ZFP69: variants seen among roughly 807,000 people sequenced by gnomAD.
ZFP69 encodes the protein ZFP69 zinc finger protein.
ZFP69 carries 35 observed loss-of-function variants against 48.9 expected under a neutral mutation model. The observed-to-expected ratio is 0.72, with a 90% CI of 0.55 to 0.95. The LOEUF is 0.95. Among genes scored for constraint, ZFP69 ranks in the 40% least tolerant of loss-of-function variants. ZFP69 has a pLI of 0.00. For synonymous variants in ZFP69, 193 were observed against 216.8 expected, an observed-to-expected ratio of 0.89 and a Z score of 0.96; for missense variants, 557 against 638.4, an observed-to-expected ratio of 0.87 and a Z score of 1.37.
At chr1:40,481,701 G>A (rs1217885813) in intron 2 of ZFP69, 62 bp from the exon 3 acceptor site, 7 of 1,377,646 alleles carry the variant, frequency 5.1e-6, no homozygotes, top group Non-Finnish European at 7.0e-6. Flanking sequence ...GGGTCTGCAG[G>A]CAATTTCTTT....
rs1396023756 is a variant in ZFP69 at position 40,495,812 on chromosome 1, GA to G, written c.1338del (p.Ala447ProfsTer18). 1 of 1,614,190 alleles carries G rather than the reference GA, an allele frequency of 6.2e-7. No individual in the cohort carries two copies. Among genetic ancestry groups the G allele is most frequent in the Non-Finnish European group, 8.5e-7 (1 of 1,180,038 alleles). The stretch of plus-strand genomic sequence containing the variant: ...AGACCCTACAAATGTAAAGAATGTG[GA>G]AAAGCCTTTAGGCAGAGGATACACC... ...GERPYKCKECGKAFRQRIHLS... is the reference protein window; with the variant it reads ...GERPYKCKECXKAFRQRIHLS... On this transcript the variant is annotated frameshift_variant, in exon 6 of 6. Transcript: ENST00000372706. LOFTEE classifies it high-confidence loss of function.
chr1:40,483,433 T>A (rs1645463003), intron 3 of ZFP69, among the ~76,000 whole-genome samples: 1 of 151,996 alleles, frequency 6.6e-6, no homozygotes, highest in South Asian at 2.1e-4. Flanking sequence ...TCTTACTATG[T>A]TGTCCAACTG....
In ZFP69 at chr1:40,496,105, A is replaced by AT; in HGVS notation, c.*49dup. The AT allele has an allele frequency of 6.6e-7, 1 of 1,512,992 alleles. No individual in the cohort carries two copies. Among genetic ancestry groups the AT allele is most frequent in the Non-Finnish European group, 8.8e-7 (1 of 1,133,406 alleles). 93.7% of individuals were successfully genotyped at this position (1,512,992 alleles called of 1,614,324 possible). On this transcript the variant is annotated 3_prime_UTR_variant, in exon 6 of 6. Transcript: ENST00000372706. ...AACAAAAGCCAAGTGTAAATTGGTG[A>AT]TTTAGAGTGCTTTAAAATTTCAGGA...
intron 3 of ZFP69, among the ~76,000 whole-genome samples, chr1:40,485,240 T>C (rs1645484053): frequency 6.6e-6 from 1 of 152,042 alleles, no homozygotes; most frequent in Non-Finnish European, 1.5e-5. Flanking sequence ...AAAACAATCA[T>C]ATTATATGTG....
At chr1:40,483,393 C>A (rs1024825790) in intron 3 of ZFP69, among the ~76,000 whole-genome samples, 17 of 151,574 alleles carry the variant, frequency 1.1e-4, no homozygotes, top group African/African-American at 3.9e-4. Flanking sequence ...CCATACTTTG[C>A]CAATTAAAAA....
In ZFP69 at chr1:40,496,209, T is replaced by G; in HGVS notation, c.*150T>G. The G allele has an allele frequency of 1.4e-6, 1 of 734,442 alleles. No homozygotes were observed. Among genetic ancestry groups the G allele is most frequent in the Non-Finnish European group, 2.1e-6 (1 of 471,740 alleles). The allele number at this position is 734,442 out of a possible 1,614,324, so 45.5% of individuals were successfully genotyped here. On this transcript the variant is annotated 3_prime_UTR_variant, in exon 6 of 6. Coordinates refer to ENST00000372706, the MANE Select transcript of ZFP69 (RefSeq NM_001320179.2). ...AAATAAACATTACATTGACAGGTAT[T>G]GACTACTAACACCTCTAAAAAGTAC...
chr1:40,481,664 C>CT, intron 2 of ZFP69, 99 bp from the exon 3 acceptor site: 1 of 913,702 alleles, frequency 1.1e-6, no homozygotes, highest in Non-Finnish European at 1.6e-6. Context: ...CTTTGTGAAC[C>CT]TTTTTGGGGG....
chr1:40,484,093 A>G (rs1224534494), intron 3 of ZFP69, among the ~76,000 whole-genome samples: 2 of 152,142 alleles, frequency 1.3e-5, no homozygotes, highest in African/African-American at 4.8e-5. Context: ...ATAAATAAAT[A>G]AAATAAATAA....
intron 3 of ZFP69, among the ~76,000 whole-genome samples, chr1:40,484,614 T>C (rs530086895): frequency 2.4e-3 from 357 of 151,882 alleles, no homozygotes; most frequent in African/African-American, 7.9e-3. Context: ...AGAGTCTTGC[T>C]CTGTTGCCCA....
At chr1:40,484,489 G>A (rs899338901) in intron 3 of ZFP69, among the ~76,000 whole-genome samples, 3 of 151,976 alleles carry the variant, frequency 2.0e-5, no homozygotes, top group African/African-American at 4.8e-5. Flanking sequence ...GTGAGCCACC[G>A]TGCCCAGCCT....
chr1:40,495,735 C>G lies in ZFP69; in HGVS notation c.1257C>G (p.Thr419=), dbSNP rs1645626093. The change falls in exon 6 of 6, where the codon ACC becomes ACG. Residue 419 remains threonine (T), a synonymous_variant. Transcript: ENST00000372706. The part of the protein sequence containing the change: ...KPYACTACCK[T]FSHRAYLTHH... The stretch of plus-strand genomic sequence containing the variant: ...ATGCATGCACTGCATGTTGTAAAAC[C>G]TTTAGTCATAGAGCGTATCTAACAC... 3.7e-6 allele frequency: 6 copies of G among 1,614,178 alleles called. No individual in the cohort carries two copies. Among genetic ancestry groups the G allele is most frequent in the Non-Finnish European group, 5.1e-6 (6 of 1,180,038 alleles).
At chr1:40,491,119 G>T (rs901342060) in intron 5 of ZFP69, 2 of 152,086 alleles carry the variant, frequency 1.3e-5, no homozygotes, top group Admixed American at 1.3e-4. Flanking sequence ...GCATTGTTTT[G>T]CATGTTCTCT....
intron 3 of ZFP69, among the ~76,000 whole-genome samples, chr1:40,486,819 T>G (rs1002742096): frequency 2.0e-5 from 3 of 152,174 alleles, no homozygotes; most frequent in Non-Finnish European, 4.4e-5. Flanking sequence ...TTGACCCATC[T>G]TAAGTTTCAC....
At position 40,495,525 on chromosome 1, in the gene ZFP69, C is replaced by T; in HGVS notation, c.1047C>T (p.His349=). 2 of 1,614,168 alleles carry T rather than the reference C, an allele frequency of 1.2e-6. No individual in the cohort carries two copies. The highest frequency in any genetic ancestry group is 1.7e-6 in the Non-Finnish European group (2 of 1,180,020). ...CACTTAATCAGCATCATAGAACTCACACTGGGGAGAAACCCTATGTATGTG... is the reference window on the plus strand; with the variant it reads ...CACTTAATCAGCATCATAGAACTCATACTGGGGAGAAACCCTATGTATGTG... ...RSSLNQHHRT[H]TGEKPYVCDK... is the part of the protein sequence containing the mutation. Residue 349 remains histidine (H), a synonymous_variant, in exon 6 of 6, where the codon CAC becomes CAT. Transcript: ENST00000372706.
intron 5 of ZFP69, among the ~76,000 whole-genome samples, chr1:40,494,209 G>A (rs1645597797): frequency 6.9e-6 from 1 of 144,572 alleles, no homozygotes; most frequent in Non-Finnish European, 1.5e-5. Flanking sequence ...TCATAGCTCT[G>A]AAATTTTATT....
chr1:40,493,071 C>A (rs1293405137), intron 5 of ZFP69: 2 of 151,962 alleles, frequency 1.3e-5, no homozygotes, highest in African/African-American at 4.8e-5. Flanking sequence ...ACTAAAAATA[C>A]AAAATTAGCC....
At chr1:40,486,707 C>A (rs1645504193) in intron 3 of ZFP69, among the ~76,000 whole-genome samples, 1 of 151,954 alleles carries the variant, frequency 6.6e-6, no homozygotes, top group African/African-American at 2.4e-5. Flanking sequence ...CAGGCAGGAG[C>A]CATCCCACCT....
rs148538063 is a variant in ZFP69 at position 40,488,500 on chromosome 1, C to T, written c.220-588C>T. Among the ~76,000 whole-genome samples the T allele has an allele frequency of 3.1e-3, 475 of 152,296 alleles. 1 individual carries two copies. Among genetic ancestry groups the T allele is most frequent in the African/African-American group, 0.011 (460 of 41,570 alleles). ...GCACAGGTCTTTGTGACAATAAGTG[C>T]GTGAGGTGGTGGGGGAACCCCTATC... On this transcript the variant is annotated intron_variant, in intron 3 of 5. Coordinates refer to ENST00000372706, the MANE Select transcript of ZFP69 (RefSeq NM_001320179.2).
At chr1:40,478,211 C>G (rs1645409149) in intron 1 of ZFP69, among the ~76,000 whole-genome samples, 1 of 152,034 alleles carries the variant, frequency 6.6e-6, no homozygotes, top group Admixed American at 6.6e-5. Context: ...CAGCTCCCTT[C>G]CCACGTAGCT....
Sources: allele counts gnomAD v4.1 joint callset (sites outside exome capture counted in the v4.1 genomes callset), GRCh38; gene constraint gnomAD v4.1.1; transcripts MANE v1.5; gene names NCBI Gene and HGNC (gene_info 2026-07-23, HGNC 2026-07-21).